The following RABL3 variants were observed in gnomAD, a reference collection of about 807,000 sequenced individuals.
The protein encoded by RABL3 is rab-like protein 3.
In RABL3, 31 loss-of-function variants were observed where a neutral mutation model predicts 31.8. That is an observed-to-expected ratio of 0.97 (90% CI 0.73 to 1.31). The LOEUF is 1.31. RABL3 is among the 40% of genes most tolerant of loss of function. The probability of loss-of-function intolerance (pLI) is 0.00; values close to 1 mark genes in which losing one functional copy is unlikely to be tolerated. For missense variants in RABL3, 263 were observed against 279.6 expected, an observed-to-expected ratio of 0.94 and a Z score of 0.42; for synonymous variants, 97 against 99.9, an observed-to-expected ratio of 0.97 and a Z score of 0.18.
chr3:120,696,684 T>C (rs187879431), intron 5 of RABL3, among the ~76,000 whole-genome samples: 62 of 152,064 alleles, frequency 4.1e-4, no homozygotes, highest in African/African-American at 1.4e-3. Flanking sequence ...CATTCTAAAA[T>C]ATATTAAAGT....
intron 2 of RABL3, among the ~76,000 whole-genome samples, chr3:120,713,798 T>C (rs948414191): frequency 2.0e-5 from 3 of 150,736 alleles, no homozygotes; most frequent in Non-Finnish European, 4.4e-5. Context: ...AGTTCATTCA[T>C]TGTCTGTAAC....
intron 1 of RABL3, among the ~76,000 whole-genome samples, chr3:120,737,489 A>T (rs1037592243): frequency 3.9e-5 from 6 of 152,140 alleles, no homozygotes; most frequent in African/African-American, 1.4e-4. Context: ...TAGCTCGGAG[A>T]AGTTTGATCA....
At position 120,706,104 on chromosome 3, in the gene RABL3, G is replaced by A. The variant is rs1708545909; in HGVS notation, c.279C>T (p.Phe93=). The A allele has an allele frequency of 6.3e-7, 1 of 1,594,102 alleles. No homozygotes were observed. The highest frequency in any genetic ancestry group is 1.7e-4 in the Middle Eastern group (1 of 6,024). Residue 93 remains phenylalanine (F), a synonymous_variant, in exon 4 of 8, where the codon TTC becomes TTT. Coordinates refer to ENST00000273375, the MANE Select transcript of RABL3 (RefSeq NM_173825.5). ...ACTTCTTATTTGTTAAGTCGTGTAC[G>A]AAAATAATACCTAAAATAATCAGAG... The part of the protein sequence containing the change: ...VFYNSVNGII[F]VHDLTNKKSS...
intron 2 of RABL3, among the ~76,000 whole-genome samples, chr3:120,720,440 A>G (rs1035356166): frequency 3.9e-5 from 6 of 152,208 alleles, no homozygotes; most frequent in African/African-American, 1.4e-4. Context: ...ACCTTGGAAA[A>G]AGATTAGATG....
chr3:120,738,977 A>G (rs919558982), intron 1 of RABL3, among the ~76,000 whole-genome samples: 1 of 152,176 alleles, frequency 6.6e-6, no homozygotes, highest in Non-Finnish European at 1.5e-5. Context: ...AATAACTTTC[A>G]TGGGGTTATA....
chr3:120,721,339 T>G (rs1304316617), intron 2 of RABL3, among the ~76,000 whole-genome samples: 1 of 152,146 alleles, frequency 6.6e-6, no homozygotes, highest in Non-Finnish European at 1.5e-5. Context: ...ATAACAATAT[T>G]AACCTTAAAT....
chr3:120,706,957 A>G (rs569428234), intron 3 of RABL3, among the ~76,000 whole-genome samples: 1 of 152,308 alleles, frequency 6.6e-6, no homozygotes, highest in South Asian at 2.1e-4. Flanking sequence ...TTATTACAGC[A>G]AGATATAGAC....
chr3:120,740,809 A>G (rs570849787), intron 1 of RABL3, among the ~76,000 whole-genome samples: 1 of 152,334 alleles, frequency 6.6e-6, no homozygotes, highest in Non-Finnish European at 1.5e-5. Context: ...TGACAACATC[A>G]ATCACTTTCC....
intron 1 of RABL3, among the ~76,000 whole-genome samples, chr3:120,731,932 G>A (rs916179379): frequency 6.6e-6 from 1 of 152,186 alleles, no homozygotes; most frequent in South Asian, 2.1e-4. Context: ...GGTGGCCTGC[G>A]TCTGTAGTCC....
At chr3:120,704,412 G>A (rs1014151419) in intron 4 of RABL3, among the ~76,000 whole-genome samples, 2 of 152,126 alleles carry the variant, frequency 1.3e-5, no homozygotes, top group Non-Finnish European at 2.9e-5. Flanking sequence ...GGGATAGAAA[G>A]AAATGTTCTC....
chr3:120,690,962 C>A (rs1708373343), intron 6 of RABL3, among the ~76,000 whole-genome samples: 1 of 152,082 alleles, frequency 6.6e-6, no homozygotes, highest in Non-Finnish European at 1.5e-5. Context: ...TTCTATATGT[C>A]CTCAATATAG....
intron 2 of RABL3, among the ~76,000 whole-genome samples, chr3:120,721,524 A>G (rs1175957838): frequency 6.6e-6 from 1 of 152,192 alleles, no homozygotes; most frequent in African/African-American, 2.4e-5. Context: ...CAGGGGTTGC[A>G]ATCCTAGTCT....
chr3:120,696,966 C>G (rs1284803684), intron 5 of RABL3, among the ~76,000 whole-genome samples: 1 of 152,100 alleles, frequency 6.6e-6, no homozygotes, highest in Admixed American at 6.6e-5. Flanking sequence ...GGGGCTGAAC[C>G]AAGCAGTGTT....
At chr3:120,715,748 A>G (rs1264222890) in intron 2 of RABL3, among the ~76,000 whole-genome samples, 2 of 151,142 alleles carry the variant, frequency 1.3e-5, no homozygotes, top group South Asian at 4.2e-4. Context: ...TTTTTTTCTT[A>G]ATACTGTTCT....
At chr3:120,742,373 G>A (rs1215207970) in intron 1 of RABL3, 89 bp downstream of exon 1, 4 of 1,249,168 alleles carry the variant, frequency 3.2e-6, no homozygotes, top group African/African-American at 1.5e-5. Context: ...GGGCCGAGGA[G>A]CCAGGAAGTT....
rs183606045 is a variant in RABL3, at chr3:120,685,273, C to T, written c.*4550G>A. ...AAACGGAGTTAGGCATCAGAGGACT[C>T]CAGGACAGATGTCTCCGAGAAAAAG... On this transcript the variant is annotated 3_prime_UTR_variant, in exon 8 of 8. Transcript: ENST00000273375. 6.6e-6 allele frequency among the ~76,000 whole-genome samples: 1 copy of T among 152,276 alleles called. No homozygotes were observed. The highest frequency in any genetic ancestry group is 1.9e-4 in the East Asian group (1 of 5,184).
chr3:120,721,882 T>TC (rs1167683182), intron 2 of RABL3: 1 of 152,250 alleles, frequency 6.6e-6, no homozygotes, highest in Non-Finnish European at 1.5e-5. Flanking sequence ...TACATTCTTT[T>TC]CAGCACCACA....
intron 1 of RABL3, among the ~76,000 whole-genome samples, chr3:120,740,988 A>G (rs1709036174): frequency 6.6e-6 from 1 of 152,330 alleles, no homozygotes; most frequent in East Asian, 1.9e-4. Flanking sequence ...AGAACCTAAT[A>G]CAGTGCCTGT....
chr3:120,724,247 G>A (rs1264573441), intron 2 of RABL3, among the ~76,000 whole-genome samples: 1 of 152,210 alleles, frequency 6.6e-6, no homozygotes, highest in African/African-American at 2.4e-5. Context: ...TACAAGGGAT[G>A]TGAAGGACCT....
Sources: gnomAD v4.1 joint callset for allele counts (sites outside exome capture counted in the v4.1 genomes callset) on GRCh38, gnomAD v4.1.1 for gene constraint, MANE v1.5 for transcripts, NCBI Gene and HGNC (gene_info 2026-07-23, HGNC 2026-07-21) for gene names.